The following CCDC180 variants were observed in gnomAD, a reference collection of about 807,000 sequenced individuals.
CCDC180 encodes coiled-coil domain containing 180, also known as coiled-coil domain-containing protein 180.
In CCDC180, 154 loss-of-function variants were observed where a neutral mutation model predicts 209.2. That is an observed-to-expected ratio of 0.74 (90% confidence interval 0.65 to 0.84). CCDC180 has a LOEUF of 0.84. Ranked by LOEUF, CCDC180 falls within the 40% of genes least tolerant of loss-of-function variation. The pLI is 0.00. For missense variants in CCDC180, 1,874 were observed against 1,997.3 expected (o/e 0.94, Z 1.18); for synonymous variants, 778 against 749.1 (o/e 1.04, Z -0.63).
intron 18 of CCDC180, among the ~76,000 whole-genome samples, chr9:97,339,471 T>G (rs1026299800): frequency 2.6e-5 from 4 of 152,212 alleles, no homozygotes; most frequent in African/African-American, 7.2e-5. Context: ...TCTTTAAGAA[T>G]ATTGAATATT....
At chr9:97,347,537 C>T in intron 20 of CCDC180, 48 bp downstream of exon 20, 1 of 1,506,288 alleles carries the variant, frequency 6.6e-7, no homozygotes, top group Non-Finnish European at 8.9e-7. Context: ...GCCACTCCTT[C>T]AGCGTCTGCT....
At chr9:97,334,251 A>G (rs570181119) in intron 18 of CCDC180, among the ~76,000 whole-genome samples, 92 of 152,276 alleles carry the variant, frequency 6.0e-4, no homozygotes, top group African/African-American at 2.0e-3. Flanking sequence ...CTCTTTTTAT[A>G]TTATACGACT....
At chr9:97,336,666 A>G (rs1192584139) in intron 18 of CCDC180, among the ~76,000 whole-genome samples, 4 of 151,756 alleles carry the variant, frequency 2.6e-5, no homozygotes, top group Non-Finnish European at 5.9e-5. Context: ...GGCTCCATAT[A>G]GACTTTAAAG....
intron 19 of CCDC180, among the ~76,000 whole-genome samples, chr9:97,346,699 T>C (rs767897660): frequency 1.2e-4 from 18 of 152,184 alleles, no homozygotes; most frequent in Non-Finnish European, 1.9e-4. Flanking sequence ...CTTAACCTCC[T>C]GAGTAGATGG....
At chr9:97,357,516 T>A in intron 24 of CCDC180, 111 bp from the exon 25 acceptor site, 1 of 720,974 alleles carries the variant, frequency 1.4e-6, no homozygotes, top group Non-Finnish European at 2.4e-6. Flanking sequence ...TTTCCCTGAT[T>A]TCATTTTTTT....
At chr9:97,325,234 A>C (rs1344252395) in intron 14 of CCDC180, 42 bp downstream of exon 14, 1 of 1,546,734 alleles carries the variant, frequency 6.5e-7, no homozygotes, top group Non-Finnish European at 8.8e-7. Flanking sequence ...CACCACAAAC[A>C]GCAATGAACT....
rs1307899848 is a variant in CCDC180, at chr9:97,332,955, A to G, written c.2274+2188A>G. Among the ~76,000 whole-genome samples the G allele has an allele frequency of 3.3e-5, 5 of 152,214 alleles. No individual in the cohort carries two copies. In the East Asian group the frequency reaches 5.8e-4, roughly 18 times the overall value. On this transcript the variant is annotated intron_variant, in intron 18 of 36. Coordinates refer to ENST00000529487, the MANE Select transcript of CCDC180 (RefSeq NM_020893.6). ...CCTCCTTGTCTTGTGCTGGTTTTCA[A>G]GGGGAATGCTTCCATCTTTTGCCCA...
At chr9:97,328,635 C>T (rs750198639) in intron 16 of CCDC180, among the ~76,000 whole-genome samples, 63 of 152,180 alleles carry the variant, frequency 4.1e-4, no homozygotes, top group Admixed American at 5.2e-4. Flanking sequence ...CCTTCCTCAT[C>T]GTGCTCCCTC....
chr9:97,355,229 A>G (rs564415858), intron 24 of CCDC180, among the ~76,000 whole-genome samples: 3 of 152,054 alleles, frequency 2.0e-5, no homozygotes, highest in African/African-American at 7.2e-5. Flanking sequence ...AACACAGCTC[A>G]CTGTAGCCTC....
At chr9:97,355,091 T>G in intron 24 of CCDC180, 83 bp downstream of exon 24, 1 of 860,308 alleles carries the variant, frequency 1.2e-6, no homozygotes, top group Non-Finnish European at 2.0e-6. Context: ...AGGAGGCCAT[T>G]GTGGTCTCTG....
chr9:97,356,453 G>A (rs764223983), intron 24 of CCDC180, among the ~76,000 whole-genome samples: 5 of 152,182 alleles, frequency 3.3e-5, no homozygotes, highest in Non-Finnish European at 7.3e-5. Context: ...TTATGGCACC[G>A]ATAAAGGAGC....
rs756150376 is a variant in CCDC180, at chr9:97,365,709, G to A, written c.4017G>A (p.Glu1339=). 2 of 1,614,126 alleles carry A rather than the reference G, an allele frequency of 1.2e-6. 1 individual carries two copies. Among genetic ancestry groups the A allele is most frequent in the Admixed American group, 3.3e-5 (2 of 60,028 alleles). ...FKGIILTLLW[E]SSENLLTVAE... is the part of the protein sequence containing the mutation. ...GGATCATCTTGACCCTCCTCTGGGAGAGCAGTGAGAACCTGCTGACAGTCG... is the reference window on the plus strand; with the variant it reads ...GGATCATCTTGACCCTCCTCTGGGAAAGCAGTGAGAACCTGCTGACAGTCG... The change falls in exon 30 of 37, where the codon GAG becomes GAA. Residue 1339 remains glutamate, a synonymous_variant. Coordinates refer to ENST00000529487, the MANE Select transcript of CCDC180 (RefSeq NM_020893.6).
chr9:97,366,461 CT>C lies in CCDC180; in HGVS notation c.4048-97del. ...CCACAGGGGATGCCACGAGCAAAGG[CT>C]AGGGAGTGTGGAGGTGAGGGCAGGC... On this transcript the variant is annotated intron_variant, in intron 30 of 36. Coordinates refer to ENST00000529487, the MANE Select transcript of CCDC180 (RefSeq NM_020893.6). This position sits in a 1 kb window ranked among gnomAD's most constrained non-coding sequence, Gnocchi z 4.3. 1.6e-6 allele frequency: 2 copies of C among 1,267,712 alleles called. No homozygotes were observed. The highest frequency in any genetic ancestry group is 2.2e-6 in the Non-Finnish European group (2 of 901,258). The allele number at this position is 1,267,712 out of a possible 1,614,324, so 78.5% of individuals were successfully genotyped here. A position where few individuals can be genotyped will look rare whatever the true frequency, so the allele number is the denominator to read the frequency against.
rs567880981 is a variant in CCDC180, at chr9:97,376,874, A to G, written c.4954A>G (p.Ile1652Val). 13 of 1,612,306 alleles carry G rather than the reference A, an allele frequency of 8.1e-6. No homozygotes were observed. The South Asian group carries it at 1.2e-4, about 15-fold the overall frequency. Residue 1652 changes from isoleucine (I) to valine (V), a missense_variant, in exon 37 of 37, where the codon ATC becomes GTC. Physicochemically the swap from Ile to Val is conservative, Grantham distance 29. Transcript: ENST00000529487. ...KDSWKQSLHT[I>V]QGLYV ...CAGCTGGAAGCAGTCCCTGCACACT[A>G]TCCAAGGCCTGTATGTGTGACCCTC...
intron 18 of CCDC180, among the ~76,000 whole-genome samples, chr9:97,337,631 T>G (rs545468272): frequency 2.1e-4 from 32 of 152,284 alleles, no homozygotes; most frequent in African/African-American, 5.1e-4. Flanking sequence ...TCTCTTTTTT[T>G]GTTGTGTCTC....
At chr9:97,329,322 A>G (rs1458045370) in intron 16 of CCDC180, among the ~76,000 whole-genome samples, 1 of 152,232 alleles carries the variant, frequency 6.6e-6, no homozygotes, top group Non-Finnish European at 1.5e-5. Context: ...GACTTGCCCA[A>G]GATCACTTAG....
chr9:97,309,840 C>T (rs1033387469), intron 3 of CCDC180, among the ~76,000 whole-genome samples: 12 of 152,302 alleles, frequency 7.9e-5, no homozygotes, highest in Non-Finnish European at 1.6e-4. Context: ...GTATGGGGAT[C>T]CCACCCTTAT....
Position 97,326,496 on chromosome 9 carries a change from C to T in CCDC180, c.1546-58C>T, listed in dbSNP as rs1270459090. ...CAGCAGGGTCCCTGCAGGTCACTTA[C>T]ACTCTGTGAGCACTGGAGGTCACAT... On this transcript the variant is annotated intron_variant, in intron 14 of 36. Coordinates refer to ENST00000529487, the MANE Select transcript of CCDC180 (RefSeq NM_020893.6). The T allele has an allele frequency of 4.9e-6, 5 of 1,026,774 alleles. No individual in the cohort carries two copies. The East Asian group carries it at 7.1e-5, about 15-fold the overall frequency. The allele number at this position is 1,026,774 out of a possible 1,614,324, so 63.6% of individuals were successfully genotyped here.
intron 36 of CCDC180, chr9:97,375,889 T>C: frequency 2.8e-6 from 1 of 361,992 alleles, no homozygotes; most frequent in African/African-American, 2.0e-5. Context: ...CTAGGGAACA[T>C]TGTCACCAGG....
Sources: gnomAD v4.1 joint callset for allele counts (sites outside exome capture counted in the v4.1 genomes callset) on GRCh38, gnomAD v4.1.1 for gene constraint, Gnocchi (gnomAD v3.1) non-coding constraint, MANE v1.5 for transcripts, NCBI Gene and HGNC (gene_info 2026-07-23, HGNC 2026-07-21) for gene names.